The following IL15 variants were observed in gnomAD, a reference collection of about 807,000 sequenced individuals.
IL15 encodes the protein interleukin-15.
IL15 carries 11 observed loss-of-function variants against 19.6 expected under a neutral mutation model. The observed-to-expected ratio is 0.56, with a 90% confidence interval of 0.35 to 0.93. The LOEUF is 0.93. Among genes scored for constraint, IL15 ranks in the 40% least tolerant of loss-of-function variants. IL15 has a pLI of 0.01. For missense variants in IL15, 197 were observed against 186.5 expected, an observed-to-expected ratio of 1.06 and a Z score of -0.33; for synonymous variants, 58 against 59.6, an observed-to-expected ratio of 0.97 and a Z score of 0.12.
At chr4:141,651,722 T>G (rs1727413185) in intron 1 of IL15, among the ~76,000 whole-genome samples, 1 of 152,092 alleles carries the variant, frequency 6.6e-6, no homozygotes, top group Non-Finnish European at 1.5e-5. Flanking sequence ...CGGTAAGATT[T>G]TTCAATTTTC....
intron 1 of IL15, among the ~76,000 whole-genome samples, chr4:141,646,265 G>C (rs1442700898): frequency 6.6e-6 from 1 of 151,970 alleles, no homozygotes; most frequent in Non-Finnish European, 1.5e-5. Flanking sequence ...CTGTTACAGT[G>C]GATATTAAGT....
rs116834122 is a variant in IL15 at position 141,681,133 on chromosome 4, G to A, written c.-100+24826G>A. Among the ~76,000 whole-genome samples, 660 of 152,216 alleles carry A rather than the reference G, an allele frequency of 4.3e-3. 4 individuals are homozygous for A. Among genetic ancestry groups the A allele is most frequent in the Non-Finnish European group, 6.9e-3 (466 of 68,016 alleles). On this transcript the variant is annotated intron_variant, in intron 2 of 7. Coordinates refer to ENST00000320650, the MANE Select transcript of IL15 (RefSeq NM_000585.5). ...TCCTCTTTTACCTTAATTGAGTACAGTCTGAGAGAGTGCCTGTCTTCCATT... is the reference window on the plus strand; with the variant it reads ...TCCTCTTTTACCTTAATTGAGTACAATCTGAGAGAGTGCCTGTCTTCCATT...
chr4:141,716,204 TC>T (rs1729878414), intron 2 of IL15: 1 of 152,310 alleles, frequency 6.6e-6, no homozygotes, highest in Non-Finnish European at 1.5e-5. Context: ...TCCAAACAAT[TC>T]CTACCCTGTG....
chr4:141,696,026 G>C (rs1399830563), intron 2 of IL15, among the ~76,000 whole-genome samples: 1 of 151,990 alleles, frequency 6.6e-6, no homozygotes, highest in Non-Finnish European at 1.5e-5. Context: ...TCTTTGCCAA[G>C]CCAAATGTCA....
At chr4:141,712,635 G>T (rs1275060221) in intron 2 of IL15, among the ~76,000 whole-genome samples, 1 of 147,256 alleles carries the variant, frequency 6.8e-6, no homozygotes, top group Non-Finnish European at 1.5e-5. Flanking sequence ...ATTAAATATT[G>T]TTTAAATATA....
chr4:141,719,787 C>G (rs1389345252), intron 3 of IL15, among the ~76,000 whole-genome samples: 1 of 152,028 alleles, frequency 6.6e-6, no homozygotes, highest in African/African-American at 2.4e-5. Flanking sequence ...TATCATTCAT[C>G]TTTTTGAAAG....
At chr4:141,661,451 A>G (rs1259878929) in intron 2 of IL15, among the ~76,000 whole-genome samples, 5 of 152,160 alleles carry the variant, frequency 3.3e-5, no homozygotes, top group African/African-American at 1.2e-4. Context: ...TGGTGGCAGT[A>G]TCTAGTGAGG....
At chr4:141,702,947 A>T (rs1050043556) in intron 2 of IL15, among the ~76,000 whole-genome samples, 2 of 152,196 alleles carry the variant, frequency 1.3e-5, no homozygotes, top group Non-Finnish European at 2.9e-5. Context: ...TGTAAGAGGC[A>T]TGGGGTGGTT....
chr4:141,682,368 G>T (rs1179716480), intron 2 of IL15, among the ~76,000 whole-genome samples: 1 of 152,108 alleles, frequency 6.6e-6, no homozygotes, highest in East Asian at 1.9e-4. Context: ...TGCTGAGTGG[G>T]AAATAGTGAT....
chr4:141,648,013 T>G (rs908843396), intron 1 of IL15, among the ~76,000 whole-genome samples: 3 of 152,096 alleles, frequency 2.0e-5, no homozygotes, highest in African/African-American at 7.2e-5. Flanking sequence ...ACACCTTGTC[T>G]GGCACATAGT....
intron 2 of IL15, among the ~76,000 whole-genome samples, chr4:141,696,685 G>A (rs1729106766): frequency 6.6e-6 from 1 of 151,642 alleles, no homozygotes; most frequent in Non-Finnish European, 1.5e-5. Context: ...CTGGTTTTTG[G>A]TTACAATGAT....
chr4:141,716,167 C>T (rs1265375039), intron 2 of IL15: 1 of 152,408 alleles, frequency 6.6e-6, no homozygotes, highest in Non-Finnish European at 1.5e-5. Flanking sequence ...TCAGCAGTCA[C>T]CTTGCAGTGA....
intron 2 of IL15, among the ~76,000 whole-genome samples, chr4:141,682,671 T>C (rs60756433): frequency 2.0e-5 from 3 of 150,648 alleles, no homozygotes; most frequent in Admixed American, 1.3e-4. Context: ...CTCTGGGGAG[T>C]TGGGGAACGA....
At chr4:141,639,585 T>G (rs1726975972) in intron 1 of IL15, among the ~76,000 whole-genome samples, 1 of 152,192 alleles carries the variant, frequency 6.6e-6, no homozygotes, top group Non-Finnish European at 1.5e-5. Flanking sequence ...TCCATACAAC[T>G]AGAAGTCTGG....
intron 5 of IL15, among the ~76,000 whole-genome samples, chr4:141,725,145 G>C (rs944303724): frequency 1.3e-5 from 2 of 152,140 alleles, no homozygotes; most frequent in Non-Finnish European, 2.9e-5. Flanking sequence ...TCAATTATTT[G>C]AAAGTCAAGC....
At chr4:141,649,243 G>A (rs1439317659) in intron 1 of IL15, among the ~76,000 whole-genome samples, 1 of 152,004 alleles carries the variant, frequency 6.6e-6, no homozygotes, top group Non-Finnish European at 1.5e-5. Context: ...AGTTGGGTTA[G>A]GTGTCTTTCA....
At position 141,732,744 on chromosome 4, in the gene IL15, A is replaced by G; in HGVS notation, c.385A>G (p.Thr129Ala). The change falls in exon 8 of 8, where the codon ACA becomes GCA. Residue 129 changes from threonine to alanine, a missense_variant. By Grantham distance (58) the Thr-to-Ala change is moderately conservative (BLOSUM62 0). Transcript: ENST00000320650. ...CTCTCTCTATATTTTGCAGAATGTA[A>G]CAGAATCTGGATGCAAAGAATGTGA... The part of the protein sequence containing the change: ...NNSLSSNGNV[T>A]ESGCKECEEL... The G allele has an allele frequency of 6.2e-7, 1 of 1,610,128 alleles. No individual in the cohort carries two copies. The highest frequency in any genetic ancestry group is 8.5e-7 in the Non-Finnish European group (1 of 1,178,950).
chr4:141,668,009 A>G (rs895930526), intron 2 of IL15, among the ~76,000 whole-genome samples: 1 of 152,216 alleles, frequency 6.6e-6, no homozygotes, highest in Non-Finnish European at 1.5e-5. Context: ...AACTTTGACT[A>G]CTGTCACAGT....
chr4:141,733,081 A>C lies in IL15; in HGVS notation c.*233A>C. ...CTTACTTTACTCATTTTTTTAATTT[A>C]TTATTGAAATTGTACATATTTGTGG... On this transcript the variant is annotated 3_prime_UTR_variant, in exon 8 of 8. Coordinates refer to ENST00000320650, the MANE Select transcript of IL15 (RefSeq NM_000585.5). 1 of 395,260 alleles carries C rather than the reference A, an allele frequency of 2.5e-6. No individual in the cohort carries two copies. The highest frequency in any genetic ancestry group is 4.1e-6 in the Non-Finnish European group (1 of 241,904). 24.5% of individuals were successfully genotyped at this position (395,260 alleles called of 1,614,324 possible). A position where few individuals can be genotyped will look rare whatever the true frequency, so the allele number is the denominator to read the frequency against.
Sources: gnomAD v4.1 joint callset for allele counts (sites outside exome capture counted in the v4.1 genomes callset) on GRCh38, gnomAD v4.1.1 for gene constraint, MANE v1.5 for transcripts, NCBI Gene and HGNC (gene_info 2026-07-23, HGNC 2026-07-21) for gene names.